The following PIP5K1B variants were observed in gnomAD, a reference collection of about 807,000 sequenced individuals.
PIP5K1B encodes phosphatidylinositol-4-phosphate 5-kinase type 1 beta, also known as phosphatidylinositol 4-phosphate 5-kinase type-1 beta.
In PIP5K1B, 42 loss-of-function variants were observed where a neutral mutation model predicts 67.0. The ratio of observed to expected loss-of-function variants is 0.63; its 90% CI spans 0.49 to 0.81. The LOEUF is 0.81. Ranked by LOEUF, PIP5K1B falls within the 30% of genes least tolerant of loss-of-function variation. The pLI is 0.00. For synonymous variants in PIP5K1B, 214 were observed against 231.4 expected (o/e 0.92, Z 0.68); for missense variants, 459 against 646.3 (o/e 0.71, Z 3.14).
intron 15 of PIP5K1B, among the ~76,000 whole-genome samples, chr9:68,998,316 A>G (rs1830681816): frequency 6.6e-6 from 1 of 151,978 alleles, no homozygotes. Context: ...CGGCCTCCCA[A>G]ATTGGGATTA....
chr9:68,803,739 C>T (rs1832724709), intron 2 of PIP5K1B, among the ~76,000 whole-genome samples: 1 of 152,148 alleles, frequency 6.6e-6, no homozygotes, highest in Non-Finnish European at 1.5e-5. Flanking sequence ...CATTACCTTC[C>T]TAAATAAAGC....
rs369890110 is a variant in PIP5K1B, at chr9:68,758,002, T to A, written c.-86+15345T>A. On this transcript the variant is annotated intron_variant, in intron 2 of 15. Coordinates refer to ENST00000265382, the MANE Select transcript of PIP5K1B (RefSeq NM_003558.4). ...AAAAGAGAGGTAAATCTGGTTCCTG[T>A]TACTTCACTATGGCTAGAAGTGGAA... Among the ~76,000 whole-genome samples the A allele has an allele frequency of 2.2e-4, 33 of 152,306 alleles. 1 individual carries two copies. The South Asian group carries it at 6.8e-3, about 32-fold the overall frequency.
At chr9:68,924,274 C>CTA (rs1371388426) in intron 12 of PIP5K1B, among the ~76,000 whole-genome samples, 2,537 of 151,374 alleles carry the variant, frequency 0.017, 118 homozygotes, top group East Asian at 0.15. Flanking sequence ...TCGTGGTATG[C>CTA]ACCTGTAATC....
intron 3 of PIP5K1B, among the ~76,000 whole-genome samples, chr9:68,820,555 G>A (rs189803568): frequency 7.0e-4 from 107 of 152,262 alleles, no homozygotes; most frequent in African/African-American, 2.5e-3. Flanking sequence ...GGTAAACTCA[G>A]TCACTTAGTT....
At chr9:68,867,560 A>G (rs907688074) in intron 5 of PIP5K1B, among the ~76,000 whole-genome samples, 1 of 152,212 alleles carries the variant, frequency 6.6e-6, no homozygotes, top group Non-Finnish European at 1.5e-5. Context: ...CCCTGCCAGT[A>G]ATATCTCCTA....
intron 14 of PIP5K1B, among the ~76,000 whole-genome samples, chr9:68,988,585 G>C (rs1417724340): frequency 1.3e-5 from 2 of 151,582 alleles, no homozygotes; most frequent in Non-Finnish European, 2.9e-5. Context: ...GAGTAGCTGG[G>C]ATTACAGGCA....
At chr9:68,753,342 A>ATT (rs398010785) in intron 2 of PIP5K1B, among the ~76,000 whole-genome samples, 17,079 of 133,764 alleles carry the variant, frequency 0.13, 1,283 homozygotes, top group Non-Finnish European at 0.15. Flanking sequence ...CATTTTCTTG[A>ATT]TTTTTTTTTT....
chr9:68,861,902 G>GT (rs78242259), intron 4 of PIP5K1B, among the ~76,000 whole-genome samples: 27,787 of 145,550 alleles, frequency 0.19, 2,660 homozygotes, highest in African/African-American at 0.25. Context: ...TTTGTTTTTT[G>GT]TTTTTTTTTT....
intron 2 of PIP5K1B, among the ~76,000 whole-genome samples, chr9:68,746,076 CTTTTTTTTTTT>C (rs11306038): frequency 1.9e-5 from 2 of 107,104 alleles, no homozygotes; most frequent in African/African-American, 7.3e-5. Context: ...TGTGTTAACT[CTTTTTTTTTTT>C]TTTTTTTTTG....
chr9:68,825,056 G>T (rs1187973505), intron 4 of PIP5K1B, among the ~76,000 whole-genome samples: 1 of 152,176 alleles, frequency 6.6e-6, no homozygotes, highest in Non-Finnish European at 1.5e-5. Flanking sequence ...AGTATAATTT[G>T]AGCATTATTA....
chr9:68,880,576 C>T (rs1824138573), intron 6 of PIP5K1B, among the ~76,000 whole-genome samples: 1 of 52,316 alleles, frequency 1.9e-5, no homozygotes, highest in Non-Finnish European at 5.4e-5. Flanking sequence ...CACACACACA[C>T]ACACACACAC....
chr9:68,940,836 C>CAACATCAGGCCTGAACCAGTATCTCTG (rs1451679415), intron 14 of PIP5K1B, 46 bp downstream of exon 14: 2 of 1,557,848 alleles, frequency 1.3e-6, no homozygotes, highest in Admixed American at 3.3e-5. Context: ...GTTACCACAT[C>CAACATCAGGCCTGAACCAGTATCTCTG]AACATCAGGC....
intron 6 of PIP5K1B, among the ~76,000 whole-genome samples, chr9:68,888,622 C>A (rs1304651111): frequency 6.6e-6 from 1 of 152,174 alleles, no homozygotes. Flanking sequence ...AAACACAGTG[C>A]AGTTCACATC....
intron 6 of PIP5K1B, among the ~76,000 whole-genome samples, chr9:68,878,468 T>A (rs1184151940): frequency 6.6e-6 from 1 of 152,188 alleles, no homozygotes; most frequent in Non-Finnish European, 1.5e-5. Context: ...AAAAATTATT[T>A]TCATAATGTG....
intron 14 of PIP5K1B, among the ~76,000 whole-genome samples, chr9:68,959,968 T>C (rs971311872): frequency 5.3e-5 from 8 of 152,332 alleles, no homozygotes; most frequent in Non-Finnish European, 1.2e-4. Flanking sequence ...TTCTGGGAAT[T>C]CACTTTGTCT....
At chr9:68,812,266 A>G (rs1362509374) in intron 2 of PIP5K1B, among the ~76,000 whole-genome samples, 1 of 152,264 alleles carries the variant, frequency 6.6e-6, no homozygotes, top group East Asian at 1.9e-4. Flanking sequence ...CATATGTGGC[A>G]GCATTTCACA....
At chr9:68,898,274 G>A (rs1423496378) in intron 8 of PIP5K1B, among the ~76,000 whole-genome samples, 1 of 152,154 alleles carries the variant, frequency 6.6e-6, no homozygotes, top group African/African-American at 2.4e-5. Flanking sequence ...CAGATGTCAG[G>A]TTCTGCACCC....
chr9:68,750,781 G>T (rs577936014), intron 2 of PIP5K1B, among the ~76,000 whole-genome samples: 4 of 152,342 alleles, frequency 2.6e-5, no homozygotes, highest in African/African-American at 9.6e-5. Context: ...AGGGAAGGGG[G>T]TTGGGAGTGC....
intron 8 of PIP5K1B, among the ~76,000 whole-genome samples, chr9:68,915,079 T>C (rs1011653196): frequency 1.3e-5 from 2 of 152,190 alleles, no homozygotes; most frequent in African/African-American, 4.8e-5. Flanking sequence ...ACTTGCATTG[T>C]CACATTTAAT....
Sources: gnomAD v4.1 joint callset for allele counts (sites outside exome capture counted in the v4.1 genomes callset) on GRCh38, gnomAD v4.1.1 for gene constraint, MANE v1.5 for transcripts, NCBI Gene and HGNC (gene_info 2026-07-23, HGNC 2026-07-21) for gene names.